Variants in COL10A1 observed in about 807,000 individuals in gnomAD.
COL10A1 encodes the protein collagen alpha-1(X) chain.
COL10A1 carries 10 observed loss-of-function variants against 18.2 expected under a neutral mutation model. That is an observed-to-expected ratio of 0.55 (90% CI 0.34 to 0.93). The LOEUF is 0.93. COL10A1 is among the 40% of genes least tolerant of loss of function. COL10A1 has a pLI of 0.02. For missense variants in COL10A1, 897 were observed against 853.5 expected (o/e 1.05, Z -0.64); for synonymous variants, 330 against 316.6 (o/e 1.04, Z -0.45).
chr6:116,186,298 A>C, the COL10A1 span, among the ~76,000 whole-genome samples: 2 of 151,438 alleles, frequency 1.3e-5, no homozygotes, highest in Middle Eastern at 3.4e-3. Flanking sequence ...CATAGCTCTT[A>C]AGATTTTTTT....
At chr6:116,191,789 A>C in the COL10A1 span, among the ~76,000 whole-genome samples, 1 of 152,044 alleles carries the variant, frequency 6.6e-6, no homozygotes, top group South Asian at 2.1e-4. Flanking sequence ...AAGTGTGTAT[A>C]TTGATGTACA....
At chr6:116,150,174 T>G (rs896415849) in intron 1 of COL10A1, among the ~76,000 whole-genome samples, 1 of 152,204 alleles carries the variant, frequency 6.6e-6, no homozygotes, top group African/African-American at 2.4e-5. Flanking sequence ...GAGTGACCAA[T>G]TAGATGTATG....
At chr6:116,175,242 A>G in the COL10A1 span, among the ~76,000 whole-genome samples, 3 of 151,866 alleles carry the variant, frequency 2.0e-5, no homozygotes, top group Non-Finnish European at 2.9e-5. Context: ...CCCCATCTCT[A>G]CCTCCCACCC....
chr6:116,167,777 A>C, the COL10A1 span, among the ~76,000 whole-genome samples: 6 of 152,272 alleles, frequency 3.9e-5, no homozygotes, highest in African/African-American at 1.2e-4. Context: ...ATAGCCCTCA[A>C]GTTGTTATGA....
At chr6:116,162,433 A>G (rs1780357061), upstream of COL10A1, among the ~76,000 whole-genome samples, 2 of 151,978 alleles carry the variant, frequency 1.3e-5, no homozygotes, top group South Asian at 4.1e-4. Context: ...GGTTCTTAGT[A>G]TTTTCAGTTA....
upstream of COL10A1, among the ~76,000 whole-genome samples, chr6:116,129,524 A>G (rs1247813796): frequency 4.6e-5 from 7 of 152,200 alleles, no homozygotes; most frequent in Non-Finnish European, 8.8e-5. Flanking sequence ...TATAGAAGCA[A>G]GCTCGGCCCC....
intron 1 of COL10A1, among the ~76,000 whole-genome samples, chr6:116,156,127 G>A (rs1355340207): frequency 6.6e-6 from 1 of 152,008 alleles, no homozygotes; most frequent in Non-Finnish European, 1.5e-5. Context: ...TATTTTCTTT[G>A]AAAGCATATC....
rs545540785 is a variant in COL10A1 at position 116,132,666 on chromosome 6, G to C, written c.-15-7159C>G. On this transcript the variant is annotated intron_variant, in intron 1 of 1. Transcript: ENST00000418500. ...TTTAACTGAGTTACATTTCTGATGTGACAAGCTGTTGGCGAGAGAGCCCAC... is the reference window on the plus strand; with the variant it reads ...TTTAACTGAGTTACATTTCTGATGTCACAAGCTGTTGGCGAGAGAGCCCAC... Among the ~76,000 whole-genome samples the C allele has an allele frequency of 1.0e-3, 157 of 152,102 alleles. 1 individual carries two copies. The South Asian group carries it at 0.031, about 30-fold the overall frequency.
rs142979883 is a variant in COL10A1 at position 116,156,457 on chromosome 6, C to T, written c.-16+2157G>A. ...TTTCACTTAGCTTATTATAGTCTGC[C>T]TCATAAGGGATTACTATGCTGTGTA... On this transcript the variant is annotated intron_variant, in intron 1 of 1. Transcript: ENST00000418500. Among the ~76,000 whole-genome samples, 64 of 152,122 alleles carry T rather than the reference C, an allele frequency of 4.2e-4. No individual in the cohort carries two copies. The East Asian group carries it at 0.011, about 27-fold the overall frequency.
In COL10A1 at chr6:116,119,349, T is replaced by C. The variant is rs1350493319; in HGVS notation, c.*724A>G. On this transcript the variant is annotated 3_prime_UTR_variant, in exon 3 of 3. Transcript: ENST00000651968. ...AATAAGAATAGGTCAGATACCTGTT[T>C]CCAAGTTATGCTGGGTATATAAAAA... 1 of 152,430 alleles carries C rather than the reference T, an allele frequency of 6.6e-6. No homozygotes were observed. Among genetic ancestry groups the C allele is most frequent in the Non-Finnish European group, 1.5e-5 (1 of 68,048 alleles). The allele number at this position is 152,430 out of a possible 1,614,324, so 9.4% of individuals were successfully genotyped here.
the COL10A1 span, among the ~76,000 whole-genome samples, chr6:116,196,997 G>A: frequency 1.3e-5 from 2 of 151,282 alleles, no homozygotes; most frequent in Non-Finnish European, 2.9e-5. Flanking sequence ...TTCATTTCTG[G>A]CAGACCTGGT....
the COL10A1 span, among the ~76,000 whole-genome samples, chr6:116,215,556 C>T: frequency 6.6e-6 from 1 of 152,100 alleles, no homozygotes; most frequent in African/African-American, 2.4e-5. Flanking sequence ...TGCTGACCCT[C>T]CCAGCTGTCA....
chr6:116,172,065 C>T, the COL10A1 span, among the ~76,000 whole-genome samples: 20 of 152,148 alleles, frequency 1.3e-4, no homozygotes, highest in Non-Finnish European at 2.6e-4. Context: ...ATCCACACAT[C>T]TATGGTTTCA....
the COL10A1 span, among the ~76,000 whole-genome samples, chr6:116,168,915 G>A: frequency 2.6e-5 from 4 of 152,120 alleles, no homozygotes; most frequent in African/African-American, 9.7e-5. Context: ...GCCATTGAGA[G>A]CTGTATTATA....
At chr6:116,178,015 C>G in the COL10A1 span, among the ~76,000 whole-genome samples, 1 of 147,906 alleles carries the variant, frequency 6.8e-6, no homozygotes, top group Admixed American at 6.8e-5. Flanking sequence ...ATTGTTTTAT[C>G]CTGTATGTCT....
the COL10A1 span, among the ~76,000 whole-genome samples, chr6:116,176,699 T>C: frequency 6.6e-6 from 1 of 152,324 alleles, no homozygotes; most frequent in Admixed American, 6.5e-5. Context: ...CCTGTTGGAC[T>C]TGCTGCCCTT....
intron 1 of COL10A1, among the ~76,000 whole-genome samples, chr6:116,135,013 G>C (rs771265547): frequency 6.6e-6 from 1 of 152,090 alleles, no homozygotes; most frequent in Non-Finnish European, 1.5e-5. Flanking sequence ...ACATAGCTAT[G>C]CTTCACTTTC....
the COL10A1 span, among the ~76,000 whole-genome samples, chr6:116,174,616 G>A: frequency 6.6e-6 from 1 of 152,336 alleles, no homozygotes; most frequent in African/African-American, 2.4e-5. Flanking sequence ...AGGTAGAATA[G>A]AGAATTCAGG....
intron 1 of COL10A1, among the ~76,000 whole-genome samples, chr6:116,157,114 G>A (rs1017662568): frequency 6.6e-6 from 1 of 152,164 alleles, no homozygotes; most frequent in Admixed American, 6.5e-5. Context: ...GATTATTTGG[G>A]TATGAGAATA....
Sources: gnomAD v4.1 joint callset for allele counts (sites outside exome capture counted in the v4.1 genomes callset) on GRCh38, gnomAD v4.1.1 for gene constraint, MANE v1.5 for transcripts, NCBI Gene and HGNC (gene_info 2026-07-23, HGNC 2026-07-21) for gene names.